The following TNIK variants were observed in gnomAD, a reference collection of about 807,000 sequenced individuals.
TNIK encodes TRAF2 and NCK-interacting protein kinase.
Under a neutral mutation model 191.3 loss-of-function variants are expected in TNIK, and 49 were observed. The observed-to-expected ratio is 0.26, with a 90% CI of 0.20 to 0.32. TNIK has a LOEUF of 0.32. Among genes scored for constraint, TNIK ranks in the 10% least tolerant of loss-of-function variants. The pLI, the probability that TNIK is intolerant of heterozygous loss-of-function variation, is 1.00. For missense variants in TNIK, 1,155 were observed against 1,702.3 expected (o/e 0.68, Z 5.66); for synonymous variants, 594 against 600.9 (o/e 0.99, Z 0.17).
chr3:171,205,360 A>C (rs1254128038), intron 4 of TNIK, among the ~76,000 whole-genome samples: 1 of 152,212 alleles, frequency 6.6e-6, no homozygotes, highest in African/African-American at 2.4e-5. Flanking sequence ...AATTGCTAGA[A>C]GGGATGGTCA....
intron 10 of TNIK, among the ~76,000 whole-genome samples, chr3:171,163,065 A>T (rs1734207834): frequency 6.6e-6 from 1 of 152,194 alleles, no homozygotes. Context: ...TCTAAGCAAC[A>T]TATCCACATG....
chr3:171,100,421 A>G (rs1723303538), intron 22 of TNIK, among the ~76,000 whole-genome samples: 1 of 152,154 alleles, frequency 6.6e-6, no homozygotes, highest in Non-Finnish European at 1.5e-5. Context: ...TCAGTGAATG[A>G]CATTCCCTTT....
chr3:171,163,050 G>T (rs1175201397), intron 10 of TNIK, among the ~76,000 whole-genome samples: 1 of 152,188 alleles, frequency 6.6e-6, no homozygotes, highest in Non-Finnish European at 1.5e-5. Flanking sequence ...GTGGGAAAAG[G>T]ACACTCTAAG....
chr3:171,111,712 C>T (rs775045936), intron 18 of TNIK, among the ~76,000 whole-genome samples: 1 of 152,224 alleles, frequency 6.6e-6, no homozygotes, highest in Non-Finnish European at 1.5e-5. Context: ...GCTGTACTCC[C>T]ATGCTCAGTG....
At chr3:171,421,198 G>T (rs753734804) in intron 1 of TNIK, among the ~76,000 whole-genome samples, 3 of 152,112 alleles carry the variant, frequency 2.0e-5, no homozygotes, top group African/African-American at 7.2e-5. Context: ...GATAGTTCTA[G>T]TTCTCACTGT....
intron 4 of TNIK, among the ~76,000 whole-genome samples, chr3:171,208,956 AACTTCT>A (rs1283088844): frequency 6.6e-6 from 1 of 152,110 alleles, no homozygotes; most frequent in Non-Finnish European, 1.5e-5. Flanking sequence ...CCTATTGGTT[AACTTCT>A]ACATACATCC....
chr3:171,321,578 C>A lies in TNIK; in HGVS notation c.123+48042G>T, dbSNP rs544582817. 6.6e-5 allele frequency among the ~76,000 whole-genome samples: 10 copies of A among 152,264 alleles called. No individual in the cohort carries two copies. In the East Asian group the frequency reaches 1.5e-3, roughly 23 times the overall value. ...TGGCTGTTAAATTATTCAAGGAATT[C>A]TCTGCTTATAAAGATTAATAATATC... On this transcript the variant is annotated intron_variant, in intron 2 of 32. Transcript: ENST00000436636.
intron 1 of TNIK, among the ~76,000 whole-genome samples, chr3:171,400,641 A>G (rs1047255641): frequency 2.0e-5 from 3 of 151,570 alleles, no homozygotes; most frequent in Non-Finnish European, 3.0e-5. Flanking sequence ...TTCCTCCCCA[A>G]GAATATTCTT....
chr3:171,194,571 G>A lies in TNIK; in HGVS notation c.371C>T (p.Thr124Met), dbSNP rs772713477. The change falls in exon 5 of 33, where the codon ACG becomes ATG. Residue 124 changes from threonine to methionine, a missense_variant. Coordinates refer to ENST00000436636, the MANE Select transcript of TNIK (RefSeq NM_015028.4). The part of the protein sequence containing the change: ...TDLIKNTKGN[T>M]LKEEWIAYIC... ...GTATGCAATCCACTCCTCTTTCAAC[G>A]TGTTACCTTTTGTGTTCTTGATCAG... 1.1e-5 allele frequency: 18 copies of A among 1,613,760 alleles called. No homozygotes were observed. Among genetic ancestry groups the A allele is most frequent in the South Asian group, 9.9e-5 (9 of 91,084 alleles).
At chr3:171,200,691 G>A (rs1739295339) in intron 4 of TNIK, among the ~76,000 whole-genome samples, 2 of 152,250 alleles carry the variant, frequency 1.3e-5, no homozygotes, top group South Asian at 4.1e-4. Flanking sequence ...CCTTTAGCAT[G>A]GAATCACCAG....
At chr3:171,356,393 C>T (rs1714074441) in intron 2 of TNIK, among the ~76,000 whole-genome samples, 1 of 152,168 alleles carries the variant, frequency 6.6e-6, no homozygotes, top group Non-Finnish European at 1.5e-5. Context: ...TCTGGGAAAA[C>T]ACAATTGTGT....
intron 2 of TNIK, among the ~76,000 whole-genome samples, chr3:171,284,509 T>C (rs1220932782): frequency 2.6e-5 from 4 of 152,138 alleles, no homozygotes; most frequent in Non-Finnish European, 5.9e-5. Context: ...ACTCCCCACA[T>C]GGTCAGCTGA....
At position 171,430,724 on chromosome 3, in the gene TNIK, A is replaced by G. The variant is rs188231562; in HGVS notation, c.57+29283T>C. On this transcript the variant is annotated intron_variant, in intron 1 of 32. Coordinates refer to ENST00000436636, the MANE Select transcript of TNIK (RefSeq NM_015028.4). ...TTAAAATCATTTAATTTAATATTAA[A>G]TGAATAACAAAAATAAATGTTTTTA... Among the ~76,000 whole-genome samples the G allele has an allele frequency of 5.5e-4, 84 of 152,122 alleles. 1 individual carries two copies. The highest frequency in any genetic ancestry group is 1.3e-3 in the African/African-American group (55 of 41,554).
chr3:171,305,052 A>G (rs1351084898), intron 2 of TNIK, among the ~76,000 whole-genome samples: 1 of 150,042 alleles, frequency 6.7e-6, no homozygotes, highest in African/African-American at 2.4e-5. Flanking sequence ...GCCACAGGGA[A>G]AAAAAAAAAG....
chr3:171,399,181 G>A (rs1422404562), intron 1 of TNIK, among the ~76,000 whole-genome samples: 1 of 152,204 alleles, frequency 6.6e-6, no homozygotes, highest in Admixed American at 6.6e-5. Flanking sequence ...ATCAAATAGG[G>A]AATTATTCTG....
Position 171,321,415 on chromosome 3 carries a change from CA to C in TNIK, c.123+48204del, listed in dbSNP as rs1488861132. ...TCATCGTCTTAGGTCTTAGGTAATG[CA>C]AAACAGAAAACTGTATAAAGAGCAT... On this transcript the variant is annotated intron_variant, in intron 2 of 32. Coordinates refer to ENST00000436636, the MANE Select transcript of TNIK (RefSeq NM_015028.4). 2.0e-5 allele frequency among the ~76,000 whole-genome samples: 3 copies of C among 151,878 alleles called. No homozygotes were observed. The East Asian group carries it at 5.8e-4, about 29-fold the overall frequency.
intron 4 of TNIK, among the ~76,000 whole-genome samples, chr3:171,195,522 C>A (rs768561641): frequency 1.5e-4 from 23 of 152,084 alleles, no homozygotes; most frequent in African/African-American, 2.4e-4. Flanking sequence ...ACAATAAAAC[C>A]ACATTGATGG....
chr3:171,188,228 C>T (rs1043165677), intron 7 of TNIK, among the ~76,000 whole-genome samples: 6 of 152,124 alleles, frequency 3.9e-5, no homozygotes, highest in African/African-American at 1.4e-4. Context: ...ACCAATATTC[C>T]ATCTGATTCC....
chr3:171,241,017 TTTC>T, intron 2 of TNIK, among the ~76,000 whole-genome samples: 1 of 147,766 alleles, frequency 6.8e-6, no homozygotes, highest in Non-Finnish European at 1.5e-5. Context: ...AGTCCTTCTG[TTTC>T]TTTTTTTTTC....
Sources: gnomAD v4.1 joint callset for allele counts (sites outside exome capture counted in the v4.1 genomes callset) on GRCh38, gnomAD v4.1.1 for gene constraint, MANE v1.5 for transcripts, NCBI Gene and HGNC (gene_info 2026-07-23, HGNC 2026-07-21) for gene names.